The following ARHGEF12 variants were observed in gnomAD, a reference collection of about 807,000 sequenced individuals.
ARHGEF12 encodes KMT2A/ARHGEF12 fusion protein.
Under a neutral mutation model 211.2 loss-of-function variants are expected in ARHGEF12, and 66 were observed. The observed-to-expected ratio is 0.31, with a 90% CI of 0.26 to 0.38. The LOEUF (loss-of-function observed/expected upper bound fraction) is 0.38. ARHGEF12 is among the 10% of genes least tolerant of loss of function. The pLI is 1.00. For missense variants in ARHGEF12, 1,429 were observed against 1,869.5 expected (o/e 0.76, Z 4.34); for synonymous variants, 592 against 638.4 (o/e 0.93, Z 1.09).
intron 1 of ARHGEF12, among the ~76,000 whole-genome samples, chr11:120,341,832 T>TA (rs1250245091): frequency 6.6e-6 from 1 of 152,230 alleles, no homozygotes; most frequent in Non-Finnish European, 1.5e-5. Flanking sequence ...TTATAATAAT[T>TA]ACAGGTTTTC....
Position 120,388,546 on chromosome 11 carries a change from C to T in ARHGEF12, c.33-17572C>T, listed in dbSNP as rs141019612. 2.0e-3 allele frequency among the ~76,000 whole-genome samples: 309 copies of T among 152,304 alleles called. 7 individuals carry two copies. The Middle Eastern group carries it at 0.024, about 12-fold the overall frequency. ...TTTAACTCTTTAAGAAATTGCCAGA[C>T]TGTTTTTCCAGGTGACTGTATTGTG... On this transcript the variant is annotated intron_variant, in intron 1 of 40. Transcript: ENST00000397843.
Position 120,373,427 on chromosome 11 carries a change from C to G in ARHGEF12, c.33-32691C>G, listed in dbSNP as rs111410722. Among the ~76,000 whole-genome samples, 695 of 152,246 alleles carry G rather than the reference C, an allele frequency of 4.6e-3. 3 individuals carry two copies. Among genetic ancestry groups the G allele is most frequent in the African/African-American group, 0.016 (667 of 41,542 alleles). On this transcript the variant is annotated intron_variant, in intron 1 of 40. Transcript: ENST00000397843. ...AATGTTCTATATAATATTATGGCAG[C>G]AAAACACAAAAGAGTGAAATGAGGG...
chr11:120,433,926 C>A (rs1048100417), intron 11 of ARHGEF12, among the ~76,000 whole-genome samples: 5 of 151,948 alleles, frequency 3.3e-5, no homozygotes, highest in African/African-American at 1.2e-4. Context: ...CCATTGCACT[C>A]CAGCATGGGT....
intron 1 of ARHGEF12, among the ~76,000 whole-genome samples, chr11:120,365,061 A>G (rs1943386449): frequency 6.6e-6 from 1 of 152,158 alleles, no homozygotes; most frequent in Admixed American, 6.5e-5. Flanking sequence ...TGGTGGGATT[A>G]TAGGCACGAG....
chr11:120,474,736 G>T, intron 32 of ARHGEF12, 101 bp downstream of exon 32: 2 of 781,298 alleles, frequency 2.6e-6, no homozygotes, highest in Non-Finnish European at 4.2e-6. Flanking sequence ...CATTCTCTCA[G>T]CAGTTTGCAG....
chr11:120,354,333 C>T (rs1327111220), intron 1 of ARHGEF12, among the ~76,000 whole-genome samples: 1 of 152,170 alleles, frequency 6.6e-6, no homozygotes, highest in East Asian at 1.9e-4. Flanking sequence ...TCATAACTCT[C>T]CCCACCATGA....
chr11:120,463,388 G>A (rs1946593403), intron 27 of ARHGEF12: 2 of 152,114 alleles, frequency 1.3e-5, no homozygotes, highest in Non-Finnish European at 2.9e-5. Flanking sequence ...AGCCAGGCAT[G>A]GTAGTGCATG....
At chr11:120,421,728 A>G (rs991124928) in intron 5 of ARHGEF12, 75 bp from the exon 6 acceptor site, 5 of 1,397,240 alleles carry the variant, frequency 3.6e-6, no homozygotes, top group East Asian at 4.6e-5. Context: ...CCAGTTTGTT[A>G]TACTGTCTCT....
intron 37 of ARHGEF12, among the ~76,000 whole-genome samples, 168 bp from the exon 38 acceptor site, chr11:120,479,788 ATGAT>A (rs1258829698): frequency 2.0e-5 from 3 of 152,358 alleles, no homozygotes; most frequent in African/African-American, 7.2e-5. Flanking sequence ...AAAATGGAAA[ATGAT>A]TGTATGAAGT....
intron 1 of ARHGEF12, among the ~76,000 whole-genome samples, chr11:120,385,648 G>T (rs1282363066): frequency 1.3e-5 from 2 of 152,100 alleles, no homozygotes; most frequent in Non-Finnish European, 2.9e-5. Context: ...CAGCTTTTAG[G>T]ATTTTTATCA....
At chr11:120,442,427 T>TACAC (rs59268139) in intron 15 of ARHGEF12, among the ~76,000 whole-genome samples, 30 of 144,050 alleles carry the variant, frequency 2.1e-4, no homozygotes, top group East Asian at 8.2e-4. Flanking sequence ...TATATATATA[T>TACAC]ACACACACAC....
intron 1 of ARHGEF12, among the ~76,000 whole-genome samples, chr11:120,367,386 G>GTTTTT (rs1943458287): frequency 2.0e-5 from 1 of 50,968 alleles, no homozygotes; most frequent in African/African-American, 1.3e-4. Context: ...TTTTTTTTGA[G>GTTTTT]GTGGAGTCTC....
At chr11:120,374,943 T>C (rs1943687344) in intron 1 of ARHGEF12, among the ~76,000 whole-genome samples, 1 of 152,158 alleles carries the variant, frequency 6.6e-6, no homozygotes, top group Admixed American at 6.5e-5. Flanking sequence ...CTCAGAAGGG[T>C]ATACTAGTAA....
At chr11:120,367,409 A>G (rs974600967) in intron 1 of ARHGEF12, among the ~76,000 whole-genome samples, 9 of 108,622 alleles carry the variant, frequency 8.3e-5, no homozygotes, top group Non-Finnish European at 3.3e-5. Context: ...TCTGTCGCCC[A>G]GGCTGGAGTA....
chr11:120,399,572 A>G (rs1944500726), intron 1 of ARHGEF12, among the ~76,000 whole-genome samples: 1 of 152,092 alleles, frequency 6.6e-6, no homozygotes, highest in Non-Finnish European at 1.5e-5. Flanking sequence ...ACCTGAAGGT[A>G]GGATCATGAA....
intron 1 of ARHGEF12, among the ~76,000 whole-genome samples, chr11:120,399,466 T>C (rs1944497252): frequency 6.6e-6 from 1 of 152,048 alleles, no homozygotes; most frequent in African/African-American, 2.4e-5. Flanking sequence ...CCTTGATGAT[T>C]TTTTGGCAAA....
intron 39 of ARHGEF12, among the ~76,000 whole-genome samples, chr11:120,481,994 C>T (rs1352653071): frequency 1.3e-5 from 2 of 152,100 alleles, no homozygotes; most frequent in Admixed American, 6.5e-5. Flanking sequence ...CTCCTGACCT[C>T]GTGATCCGCC....
At chr11:120,340,152 T>G (rs1942489145) in intron 1 of ARHGEF12, among the ~76,000 whole-genome samples, 2 of 152,218 alleles carry the variant, frequency 1.3e-5, no homozygotes, top group South Asian at 2.1e-4. Context: ...CTGCATTCAG[T>G]CTTAAAATAC....
At chr11:120,358,865 G>A (rs536875984) in intron 1 of ARHGEF12, among the ~76,000 whole-genome samples, 1 of 152,296 alleles carries the variant, frequency 6.6e-6, no homozygotes, top group South Asian at 2.1e-4. Context: ...TTCTCATGAG[G>A]TTGCAGTCCA....
Sources: gnomAD v4.1 joint callset for allele counts (sites outside exome capture counted in the v4.1 genomes callset) on GRCh38, gnomAD v4.1.1 for gene constraint, MANE v1.5 for transcripts, NCBI Gene and HGNC (gene_info 2026-07-23, HGNC 2026-07-21) for gene names.